Variants in SPAG16 observed in about 807,000 individuals in gnomAD.
The protein encoded by SPAG16 is sperm associated antigen 16, also known as sperm-associated antigen 16 protein.
SPAG16 carries 86 observed loss-of-function variants against 80.4 expected under a neutral mutation model. The ratio of observed to expected loss-of-function variants is 1.07; its 90% CI spans 0.90 to 1.28. SPAG16 has a LOEUF of 1.28. Among genes scored for constraint, SPAG16 ranks in the 50% most tolerant of loss-of-function variants. The pLI is 0.00. For synonymous variants in SPAG16, 294 were observed against 265.9 expected, an observed-to-expected ratio of 1.11 and a Z score of -1.03; for missense variants, 870 against 765.3, an observed-to-expected ratio of 1.14 and a Z score of -1.61.
intron 12 of SPAG16, among the ~76,000 whole-genome samples, chr2:213,978,653 G>C (rs1396991455): frequency 2.0e-5 from 3 of 152,096 alleles, no homozygotes; most frequent in Non-Finnish European, 4.4e-5. Context: ...CATAGTTTTT[G>C]GGTACTAGGA....
Position 213,833,486 on chromosome 2 carries a change from TTATA to T in SPAG16, c.1071-28994_1071-28991del, listed in dbSNP as rs1336345426. Among the ~76,000 whole-genome samples the T allele has an allele frequency of 8.3e-4, 3 of 3,610 alleles. 1 individual carries two copies. Among genetic ancestry groups the T allele is most frequent in the Non-Finnish European group, 1.9e-3 (3 of 1,576 alleles). The allele number at this position is 3,610 out of a possible 152,430, so 2.4% of individuals were successfully genotyped here. ...TATATTATATATAATAATATATATA[TTATA>T]TATAATATATATATTATATATAATA... On this transcript the variant is annotated intron_variant, in intron 10 of 15. Transcript: ENST00000331683.
chr2:213,505,763 T>C (rs1428322614), intron 10 of SPAG16, among the ~76,000 whole-genome samples: 4 of 152,094 alleles, frequency 2.6e-5, no homozygotes, highest in Non-Finnish European at 5.9e-5. Flanking sequence ...TGGATAACCA[T>C]TATCCTTTTA....
At chr2:213,335,299 T>A (rs975351450) in intron 5 of SPAG16, among the ~76,000 whole-genome samples, 2 of 152,190 alleles carry the variant, frequency 1.3e-5, no homozygotes, top group African/African-American at 4.8e-5. Context: ...AATTGGAAGA[T>A]GGACATGTAT....
At chr2:213,438,256 T>C (rs2070749488) in intron 9 of SPAG16, among the ~76,000 whole-genome samples, 1 of 152,224 alleles carries the variant, frequency 6.6e-6, no homozygotes, top group Non-Finnish European at 1.5e-5. Flanking sequence ...CCAAATAGTC[T>C]AGTAAAAACT....
chr2:214,274,939 G>A (rs769773792), intron 15 of SPAG16, among the ~76,000 whole-genome samples: 2 of 152,054 alleles, frequency 1.3e-5, no homozygotes, highest in African/African-American at 2.4e-5. Context: ...ACTTTTTTTG[G>A]TTGGTAGGCT....
At chr2:214,298,141 TACAC>T (rs376991580) in intron 15 of SPAG16, among the ~76,000 whole-genome samples, 3 of 132,324 alleles carry the variant, frequency 2.3e-5, no homozygotes, top group Admixed American at 7.8e-5. Context: ...CACATACACA[TACAC>T]ACACACACAC....
In SPAG16 at chr2:214,354,431, A is replaced by G. The variant is rs185898318; in HGVS notation, c.1721-55709A>G. On this transcript the variant is annotated intron_variant, in intron 15 of 15. Transcript: ENST00000331683. Reference sequence around the variant, plus strand: ...GTAGTATAGTTTGAAGTCAGGTAGCATGATGCCTCCAGCTTTGTTCTTTTG... The same window carrying G: ...GTAGTATAGTTTGAAGTCAGGTAGCGTGATGCCTCCAGCTTTGTTCTTTTG... Among the ~76,000 whole-genome samples, 1,189 of 152,242 alleles carry G rather than the reference A, an allele frequency of 7.8e-3. 13 individuals are homozygous for G. Among genetic ancestry groups the G allele is most frequent in the African/African-American group, 0.027 (1,135 of 41,548 alleles).
intron 15 of SPAG16, among the ~76,000 whole-genome samples, chr2:214,261,197 A>G (rs1244759151): frequency 6.8e-6 from 1 of 146,436 alleles, no homozygotes; most frequent in Non-Finnish European, 1.5e-5. Flanking sequence ...AAACTCCCTC[A>G]GGACTGTAAA....
intron 1 of SPAG16, among the ~76,000 whole-genome samples, chr2:213,291,798 T>C (rs1206313360): frequency 6.6e-6 from 1 of 152,238 alleles, no homozygotes; most frequent in African/African-American, 2.4e-5. Flanking sequence ...CTGTGTGATC[T>C]TGGGCAAATC....
At chr2:213,524,525 G>A (rs2075808775) in intron 10 of SPAG16, among the ~76,000 whole-genome samples, 2 of 152,186 alleles carry the variant, frequency 1.3e-5, no homozygotes, top group Non-Finnish European at 2.9e-5. Flanking sequence ...AAGGCAGCTG[G>A]GAAGGAGGTT....
At chr2:213,585,644 A>T (rs1489837308) in intron 10 of SPAG16, among the ~76,000 whole-genome samples, 1 of 152,218 alleles carries the variant, frequency 6.6e-6, no homozygotes, top group Non-Finnish European at 1.5e-5. Flanking sequence ...CTCTTGCTAA[A>T]CATATTAATT....
intron 10 of SPAG16, among the ~76,000 whole-genome samples, chr2:213,857,339 A>C (rs1167019964): frequency 2.6e-5 from 4 of 152,240 alleles, no homozygotes; most frequent in African/African-American, 9.6e-5. Flanking sequence ...TCCACCTGAC[A>C]GGCTGACTTT....
At chr2:213,643,970 G>A (rs2062724985) in intron 10 of SPAG16, among the ~76,000 whole-genome samples, 1 of 150,246 alleles carries the variant, frequency 6.7e-6, no homozygotes. Flanking sequence ...TAGTAGAGAT[G>A]GAGTTTCACC....
intron 14 of SPAG16, among the ~76,000 whole-genome samples, chr2:214,127,953 G>A (rs2054577276): frequency 6.6e-6 from 1 of 151,866 alleles, no homozygotes; most frequent in Non-Finnish European, 1.5e-5. Context: ...AAAAAAGGGT[G>A]GGTTAGAGCA....
intron 9 of SPAG16, among the ~76,000 whole-genome samples, chr2:213,394,389 G>A (rs2067930212): frequency 6.6e-6 from 1 of 152,174 alleles, no homozygotes; most frequent in Middle Eastern, 3.4e-3. Flanking sequence ...CTTTGAGATA[G>A]CTTTAGATTC....
chr2:213,534,266 T>A lies in SPAG16; in HGVS notation c.1070+44176T>A, dbSNP rs533795406. ...GGTTGTTTTACATTATGTGTATTTT[T>A]TATATATATACTGTAATTTAAAATG... On this transcript the variant is annotated intron_variant, in intron 10 of 15. Transcript: ENST00000331683. Among the ~76,000 whole-genome samples the A allele has an allele frequency of 6.6e-5, 10 of 152,224 alleles. 1 individual carries two copies. The highest frequency in any genetic ancestry group is 2.4e-4 in the African/African-American group (10 of 41,560).
intron 10 of SPAG16, among the ~76,000 whole-genome samples, chr2:213,833,481 A>AT (rs1300499313): frequency 3.5e-4 from 1 of 2,820 alleles, no homozygotes; most frequent in Non-Finnish European, 1.9e-3. Context: ...ATAATAATAT[A>AT]TATATTATAT....
intron 1 of SPAG16, chr2:213,285,903 C>T (rs528373249): frequency 7.8e-7 from 1 of 1,289,244 alleles, no homozygotes; most frequent in Non-Finnish European, 1.0e-6. Context: ...ATATCCAGTG[C>T]CCTTGCTACT....
intron 9 of SPAG16, among the ~76,000 whole-genome samples, chr2:213,434,128 C>G (rs1040765445): frequency 9.2e-5 from 14 of 152,016 alleles, no homozygotes; most frequent in African/African-American, 3.1e-4. Flanking sequence ...CCATGTTGGT[C>G]AGGCTGGTCT....
Sources: gnomAD v4.1 joint callset for allele counts (sites outside exome capture counted in the v4.1 genomes callset) on GRCh38, gnomAD v4.1.1 for gene constraint, MANE v1.5 for transcripts, NCBI Gene and HGNC (gene_info 2026-07-23, HGNC 2026-07-21) for gene names.